The following UBE4B variants were observed in gnomAD, a reference collection of about 807,000 sequenced individuals.
The protein encoded by UBE4B is ubiquitination factor E4B.
In UBE4B, 27 loss-of-function variants were observed where a neutral mutation model predicts 148.1. The ratio of observed to expected loss-of-function variants is 0.18; its 90% confidence interval spans 0.13 to 0.25. The LOEUF is 0.25. UBE4B is among the 10% of genes least tolerant of loss of function. The pLI, the probability that UBE4B is intolerant of heterozygous loss-of-function variation, is 1.00. For missense variants in UBE4B, 1,170 were observed against 1,662.4 expected, an observed-to-expected ratio of 0.70 and a Z score of 5.15; for synonymous variants, 596 against 619.3, an observed-to-expected ratio of 0.96 and a Z score of 0.56.
chr1:10,055,556 C>T (rs1644150168), intron 1 of UBE4B, among the ~76,000 whole-genome samples: 1 of 152,136 alleles, frequency 6.6e-6, no homozygotes, highest in African/African-American at 2.4e-5. Flanking sequence ...GGCTTCAAGC[C>T]TTCCTCCACC....
chr1:10,097,579 C>T (rs1204076230), intron 3 of UBE4B, among the ~76,000 whole-genome samples: 2 of 152,104 alleles, frequency 1.3e-5, no homozygotes, highest in South Asian at 2.1e-4. Context: ...GGGAGGCCGA[C>T]GCAGGTGTTC....
intron 21 of UBE4B, among the ~76,000 whole-genome samples, chr1:10,152,561 G>T (rs1645994090): frequency 6.6e-6 from 1 of 152,006 alleles, no homozygotes; most frequent in African/African-American, 2.4e-5. Flanking sequence ...ACTTTGGGAG[G>T]CCGAGGCGGG....
At chr1:10,144,719 G>A (rs899463231) in intron 17 of UBE4B, among the ~76,000 whole-genome samples, 8 of 144,676 alleles carry the variant, frequency 5.5e-5, no homozygotes, top group Non-Finnish European at 1.2e-4. Context: ...TGGTGACAGA[G>A]CGAGACTCTG....
At chr1:10,040,220 G>C (rs1234383133) in intron 1 of UBE4B, among the ~76,000 whole-genome samples, 1 of 151,768 alleles carries the variant, frequency 6.6e-6, no homozygotes, top group Non-Finnish European at 1.5e-5. Context: ...TGCCCCCTGG[G>C]TTCAAGTGAT....
In UBE4B at chr1:10,161,399, C is replaced by A. The variant is rs181676858; in HGVS notation, c.3198+113C>A. On this transcript the variant is annotated intron_variant, in intron 23 of 27. Coordinates refer to ENST00000343090, the MANE Select transcript of UBE4B (RefSeq NM_001105562.3). This position sits in a 1 kb window ranked among gnomAD's most constrained non-coding sequence, Gnocchi z 4.1. The stretch of plus-strand genomic sequence containing the variant: ...GTCTGATGATATGCGATCTGACATG[C>A]TGGGATTTTCCTTCCATGAAATCAT... 920 of 1,238,280 alleles carry A rather than the reference C, an allele frequency of 7.4e-4. 2 individuals carry two copies. The highest frequency in any genetic ancestry group is 7.4e-5 in the Non-Finnish European group (68 of 920,940). The allele number at this position is 1,238,280 out of a possible 1,614,324, so 76.7% of individuals were successfully genotyped here.
chr1:10,166,971 A>ACACACACACAC (rs376136541), intron 23 of UBE4B, among the ~76,000 whole-genome samples: 1 of 111,852 alleles, frequency 8.9e-6, no homozygotes, highest in African/African-American at 4.2e-5. Flanking sequence ...ACACACACAC[A>ACACACACACAC]AAAAAAAAAA....
chr1:10,055,162 C>T (rs1169484063), intron 1 of UBE4B, among the ~76,000 whole-genome samples: 1 of 152,080 alleles, frequency 6.6e-6, no homozygotes, highest in Non-Finnish European at 1.5e-5. Flanking sequence ...AATAAAGCAT[C>T]TTTTGGCTTG....
At chr1:10,132,929 A>G (rs886700668) in intron 15 of UBE4B, among the ~76,000 whole-genome samples, 5 of 152,174 alleles carry the variant, frequency 3.3e-5, no homozygotes, top group Non-Finnish European at 5.9e-5. Context: ...ACAGGAGGGA[A>G]TGTCGGGTCC....
At chr1:10,080,900 G>T (rs920160247) in intron 2 of UBE4B, among the ~76,000 whole-genome samples, 1 of 152,148 alleles carries the variant, frequency 6.6e-6, no homozygotes, top group Non-Finnish European at 1.5e-5. Flanking sequence ...GTTACCAGAG[G>T]CTGGGGAATG....
chr1:10,125,947 T>C (rs1174981073), intron 10 of UBE4B, among the ~76,000 whole-genome samples: 1 of 152,214 alleles, frequency 6.6e-6, no homozygotes, highest in Non-Finnish European at 1.5e-5. Flanking sequence ...AGTAATAATG[T>C]TGATTGTTGG....
In UBE4B at chr1:10,133,734, G is replaced by A. The variant is rs145641209; in HGVS notation, c.2025+1252G>A. Among the ~76,000 whole-genome samples, 359 of 151,934 alleles carry A rather than the reference G, an allele frequency of 2.4e-3. 2 individuals carry two copies. Among genetic ancestry groups the A allele is most frequent in the Non-Finnish European group, 2.5e-3 (167 of 67,964 alleles). ...GAGACCAGCCCTGGCGACATAATGAGACCCCATCTCTACAAAATATACAAA... is the reference window on the plus strand; with the variant it reads ...GAGACCAGCCCTGGCGACATAATGAAACCCCATCTCTACAAAATATACAAA... On this transcript the variant is annotated intron_variant, in intron 15 of 27. Coordinates refer to ENST00000343090, the MANE Select transcript of UBE4B (RefSeq NM_001105562.3).
intron 1 of UBE4B, among the ~76,000 whole-genome samples, chr1:10,034,337 T>C (rs752350087): frequency 4.6e-5 from 7 of 152,204 alleles, no homozygotes; most frequent in Non-Finnish European, 7.3e-5. Flanking sequence ...TTCAAACTTG[T>C]GTTTTGCTGT....
Position 10,126,870 on chromosome 1 carries a change from C to G in UBE4B, c.1631C>G (p.Pro544Arg), listed in dbSNP as rs1188352432. The change falls in exon 11 of 28, where the codon CCC (proline) becomes CGC (arginine). Residue 544 changes from proline (P) to arginine (R), a missense_variant. Coordinates refer to ENST00000343090, the MANE Select transcript of UBE4B (RefSeq NM_001105562.3). ...CTCGACAGTGACTACTTTAAATACC[C>G]CCTCATGGTAAAACTTTGTTCTTTT... ...CSLDSDYFKY[P>R]LMALGELCET... is the part of the protein sequence containing the mutation. The G allele has an allele frequency of 6.2e-7, 1 of 1,613,388 alleles. No individual in the cohort carries two copies. Among genetic ancestry groups the G allele is most frequent in the South Asian group, 1.1e-5 (1 of 91,026 alleles).
chr1:10,067,426 A>C (rs1644408885), intron 1 of UBE4B, among the ~76,000 whole-genome samples: 1 of 152,266 alleles, frequency 6.6e-6, no homozygotes, highest in Non-Finnish European at 1.5e-5. Context: ...TTCTCTTAAA[A>C]AAGGACTTTT....
rs538091176 is a variant in UBE4B, at chr1:10,161,790, G to A, written c.3198+504G>A. On this transcript the variant is annotated intron_variant, in intron 23 of 27. Coordinates refer to ENST00000343090, the MANE Select transcript of UBE4B (RefSeq NM_001105562.3). The surrounding 1 kb of genome is among the most constrained non-coding windows in gnomAD (Gnocchi z 4.1). ...CCAGGTTCCATGGAAAGCACGTGCC[G>A]TGCCAGTACCAGTGCTCTTTCCTGA... is the stretch of plus-strand genomic sequence containing the variant. Among the ~76,000 whole-genome samples the A allele has an allele frequency of 2.0e-5, 3 of 152,244 alleles. No individual in the cohort carries two copies. Among genetic ancestry groups the A allele is most frequent in the South Asian group, 4.1e-4 (2 of 4,822 alleles).
intron 4 of UBE4B, among the ~76,000 whole-genome samples, 198 bp from the exon 5 acceptor site, chr1:10,102,750 G>A (rs1054266872): frequency 6.6e-6 from 1 of 151,950 alleles, no homozygotes; most frequent in African/African-American, 2.4e-5. Context: ...TGTATTGTAA[G>A]CTCATGAGAC....
chr1:10,049,688 T>C (rs1643991097), intron 1 of UBE4B, among the ~76,000 whole-genome samples: 1 of 151,860 alleles, frequency 6.6e-6, no homozygotes, highest in African/African-American at 2.4e-5. Flanking sequence ...ATCACTTGAG[T>C]CCAGGAGTTT....
intron 2 of UBE4B, among the ~76,000 whole-genome samples, chr1:10,082,399 G>A (rs935301495): frequency 1.3e-5 from 2 of 152,076 alleles, no homozygotes; most frequent in African/African-American, 4.8e-5. Context: ...TACTGGGGAG[G>A]CTGAGGCATG....
At chr1:10,037,781 C>A (rs979901401) in intron 1 of UBE4B, among the ~76,000 whole-genome samples, 1 of 151,906 alleles carries the variant, frequency 6.6e-6, no homozygotes, top group African/African-American at 2.4e-5. Flanking sequence ...GTCTCAAACT[C>A]CTGGGCTCAA....
Sources: allele counts gnomAD v4.1 joint callset (sites outside exome capture counted in the v4.1 genomes callset), GRCh38; gene constraint gnomAD v4.1.1; non-coding constraint Gnocchi (gnomAD v3.1); transcripts MANE v1.5; gene names NCBI Gene and HGNC (gene_info 2026-07-23, HGNC 2026-07-21).